Variants in SUCLG2 observed in about 807,000 individuals in gnomAD.
SUCLG2 encodes succinate--CoA ligase [GDP-forming] subunit beta, mitochondrial.
In SUCLG2, 42 loss-of-function variants were observed where a neutral mutation model predicts 47.9. That is an observed-to-expected ratio of 0.88 (90% CI 0.69 to 1.14). SUCLG2 has a LOEUF of 1.14. Among genes scored for constraint, SUCLG2 ranks in the 50% most tolerant of loss-of-function variants. The pLI, the probability that SUCLG2 is intolerant of heterozygous loss-of-function variation, is 0.00. For missense variants in SUCLG2, 571 were observed against 525.9 expected (o/e 1.09, Z -0.84); for synonymous variants, 195 against 197.3 (o/e 0.99, Z 0.10).
intron 10 of SUCLG2, 105 bp from the exon 11 acceptor site, chr3:67,375,964 G>A (rs369857982): frequency 6.9e-7 from 1 of 1,455,684 alleles, no homozygotes; most frequent in South Asian, 1.5e-5. Flanking sequence ...TTTTCACTAG[G>A]AAATGAATTA....
At chr3:67,645,759 T>C (rs1277903947) in intron 1 of SUCLG2, among the ~76,000 whole-genome samples, 1 of 151,668 alleles carries the variant, frequency 6.6e-6, no homozygotes, top group Non-Finnish European at 1.5e-5. Flanking sequence ...ACGTAAGCCC[T>C]CAGGCTGGAA....
At chr3:67,591,640 T>A (rs776272031) in intron 2 of SUCLG2, among the ~76,000 whole-genome samples, 1 of 152,216 alleles carries the variant, frequency 6.6e-6, no homozygotes, top group Non-Finnish European at 1.5e-5. Flanking sequence ...CCTCCAGCCA[T>A]GTTTCTGAGA....
At chr3:67,508,676 A>G in intron 7 of SUCLG2, 131 bp downstream of exon 7, 1 of 719,758 alleles carries the variant, frequency 1.4e-6, no homozygotes, top group Non-Finnish European at 2.3e-6. Flanking sequence ...GAGCATTTCA[A>G]ACTATGGCAG....
chr3:67,399,017 G>A (rs1702619323), intron 10 of SUCLG2, among the ~76,000 whole-genome samples: 1 of 128,338 alleles, frequency 7.8e-6, no homozygotes, highest in East Asian at 2.4e-4. Context: ...TCTGGGGACT[G>A]TTGTGGGGTG....
chr3:67,495,719 T>TC lies in SUCLG2; in HGVS notation c.1062+78dup. On this transcript the variant is annotated intron_variant, in intron 9 of 10. Transcript: ENST00000307227. ...AGTACACATATTGACTTATCAACTC[T>TC]CACCAGGAAGAACAAGTGAGCTCTT... 17 of 1,487,484 alleles carry TC rather than the reference T, an allele frequency of 1.1e-5. No individual in the cohort carries two copies. In the South Asian group the frequency reaches 1.9e-4, roughly 17 times the overall value. The allele number at this position is 1,487,484 out of a possible 1,614,324, so 92.1% of individuals were successfully genotyped here.
chr3:67,385,271 T>C lies in SUCLG2; in HGVS notation c.1184-9412A>G, dbSNP rs573782544. The stretch of plus-strand genomic sequence containing the variant: ...TAAAAATGGCCACACCCACAGCTGC[T>C]GCTCAGGGAAGCAACTTCAGGCTCT... On this transcript the variant is annotated intron_variant, in intron 10 of 10. Coordinates refer to ENST00000307227, the MANE Select transcript of SUCLG2 (RefSeq NM_003848.4). 1.7e-4 allele frequency among the ~76,000 whole-genome samples: 26 copies of C among 152,338 alleles called. 1 individual carries two copies. Among genetic ancestry groups the C allele is most frequent in the African/African-American group, 6.0e-4 (25 of 41,590 alleles).
intron 9 of SUCLG2, among the ~76,000 whole-genome samples, chr3:67,475,873 A>G (rs1704738904): frequency 6.6e-6 from 1 of 152,000 alleles, no homozygotes; most frequent in Admixed American, 6.6e-5. Context: ...CCCTTTTGCA[A>G]GTGTGTACAG....
chr3:67,588,262 T>TGC (rs770298305), intron 2 of SUCLG2, among the ~76,000 whole-genome samples: 27 of 152,234 alleles, frequency 1.8e-4, no homozygotes, highest in Non-Finnish European at 1.3e-4. Context: ...ACAAGTATCA[T>TGC]GCTACTTGTA....
chr3:67,514,818 T>C (rs1197146249), intron 6 of SUCLG2, among the ~76,000 whole-genome samples: 1 of 152,206 alleles, frequency 6.6e-6, no homozygotes, highest in Non-Finnish European at 1.5e-5. Flanking sequence ...CACACTTAGA[T>C]GACCTAAAAA....
Position 67,480,043 on chromosome 3 carries a change from T to C in SUCLG2, c.1062+15755A>G, listed in dbSNP as rs148167263. Among the ~76,000 whole-genome samples the C allele has an allele frequency of 3.2e-4, 48 of 152,216 alleles. No individual in the cohort carries two copies. The East Asian group carries it at 8.7e-3, about 28-fold the overall frequency. ...ATAAAAATCTTCAAATATAAGGGGT[T>C]ATAAAGCGTATGGGGAAGGAAATAA... On this transcript the variant is annotated intron_variant, in intron 9 of 10. Transcript: ENST00000307227.
intron 9 of SUCLG2, among the ~76,000 whole-genome samples, chr3:67,410,752 AAG>A (rs1702916692): frequency 6.6e-6 from 1 of 152,216 alleles, no homozygotes; most frequent in South Asian, 2.1e-4. Flanking sequence ...GGCTTAAAAA[AAG>A]AGTCATATAA....
At chr3:67,456,547 T>C (rs73102398) in intron 9 of SUCLG2, among the ~76,000 whole-genome samples, 1,937 of 152,224 alleles carry the variant, frequency 0.013, 24 homozygotes, top group Non-Finnish European at 0.02. Context: ...TGTGAGGGCA[T>C]AGGGAAAAAC....
chr3:67,387,733 C>T (rs1288137298), intron 10 of SUCLG2, among the ~76,000 whole-genome samples: 1 of 152,102 alleles, frequency 6.6e-6, no homozygotes, highest in Non-Finnish European at 1.5e-5. Flanking sequence ...CTGCTGATTG[C>T]ATCAGAGGTC....
At chr3:67,415,980 C>T (rs1464846861) in intron 9 of SUCLG2, among the ~76,000 whole-genome samples, 5 of 152,308 alleles carry the variant, frequency 3.3e-5, no homozygotes, top group South Asian at 4.1e-4. Context: ...GCCATAAGGA[C>T]GGACACTCAA....
chr3:67,481,196 G>C (rs1338946036), intron 9 of SUCLG2, among the ~76,000 whole-genome samples: 2 of 152,080 alleles, frequency 1.3e-5, no homozygotes, highest in Non-Finnish European at 2.9e-5. Context: ...TCATGGCAAG[G>C]GTAATTAGCA....
chr3:67,569,349 T>C (rs1442591841), intron 2 of SUCLG2, among the ~76,000 whole-genome samples: 1 of 152,210 alleles, frequency 6.6e-6, no homozygotes, highest in South Asian at 2.1e-4. Context: ...CAAATGAAGA[T>C]TGATCAAGTA....
chr3:67,402,054 G>A (rs1702696538), intron 9 of SUCLG2, among the ~76,000 whole-genome samples: 1 of 152,212 alleles, frequency 6.6e-6, no homozygotes, highest in South Asian at 2.1e-4. Context: ...GCTGTGGCCA[G>A]GCCCAAAGCC....
At chr3:67,582,751 CCT>C (rs149618539) in intron 2 of SUCLG2, among the ~76,000 whole-genome samples, 1,631 of 152,148 alleles carry the variant, frequency 0.011, 27 homozygotes, top group African/African-American at 0.037. Flanking sequence ...TAAGTGTTCC[CCT>C]CTCTCCAAAA....
chr3:67,482,961 T>TA (rs1197495698), intron 9 of SUCLG2, among the ~76,000 whole-genome samples: 1 of 152,116 alleles, frequency 6.6e-6, no homozygotes. Context: ...CCAGAATACT[T>TA]AGAGATAACA....
Sources: allele counts gnomAD v4.1 joint callset (sites outside exome capture counted in the v4.1 genomes callset), GRCh38; gene constraint gnomAD v4.1.1; transcripts MANE v1.5; gene names NCBI Gene and HGNC (gene_info 2026-07-23, HGNC 2026-07-21).